Variants in SUPT3H observed in about 807,000 individuals in gnomAD.
SUPT3H encodes the protein transcription initiation protein SPT3 homolog.
SUPT3H carries 44 observed loss-of-function variants against 44.3 expected under a neutral mutation model. The observed-to-expected ratio is 0.99, with a 90% CI of 0.78 to 1.28. SUPT3H has a LOEUF of 1.28. Ranked by LOEUF, SUPT3H falls within the 50% of genes most tolerant of loss-of-function variation. The probability of loss-of-function intolerance (pLI) is 0.00; values close to 1 mark genes in which losing one functional copy is unlikely to be tolerated. For synonymous variants in SUPT3H, 124 were observed against 125.6 expected, an observed-to-expected ratio of 0.99 and a Z score of 0.09; for missense variants, 380 against 387.1, an observed-to-expected ratio of 0.98 and a Z score of 0.15.
At chr6:45,295,065 A>T (rs2149886292) in intron 2 of SUPT3H, among the ~76,000 whole-genome samples, 1 of 152,254 alleles carries the variant, frequency 6.6e-6, no homozygotes, top group South Asian at 2.1e-4. Flanking sequence ...AAAAGAATAA[A>T]CCTGGAGGCA....
chr6:45,217,431 C>G (rs927925901), intron 2 of SUPT3H, among the ~76,000 whole-genome samples: 1 of 150,554 alleles, frequency 6.6e-6, no homozygotes, highest in Admixed American at 6.6e-5. Context: ...GCCGACATCA[C>G]GCAACTGCAC....
intron 3 of SUPT3H, among the ~76,000 whole-genome samples, chr6:45,068,884 G>T (rs916838458): frequency 2.0e-5 from 3 of 150,684 alleles, no homozygotes; most frequent in Admixed American, 6.6e-5. Flanking sequence ...TAGAATGTTC[G>T]TTCCATTGAT....
At chr6:45,180,070 A>G (rs1255995071) in intron 2 of SUPT3H, among the ~76,000 whole-genome samples, 22 of 149,356 alleles carry the variant, frequency 1.5e-4, no homozygotes, top group Non-Finnish European at 3.3e-4. Flanking sequence ...TTATACACCA[A>G]TAACAGACAA....
At chr6:45,375,091 C>CAGCT (rs1179482179) in intron 1 of SUPT3H, among the ~76,000 whole-genome samples, 1 of 152,144 alleles carries the variant, frequency 6.6e-6, no homozygotes, top group African/African-American at 2.4e-5. Context: ...CCTGTAATCC[C>CAGCT]AGCTACTCGG....
chr6:44,916,597 A>AT (rs894640559), intron 10 of SUPT3H, among the ~76,000 whole-genome samples: 3 of 152,166 alleles, frequency 2.0e-5, no homozygotes, highest in African/African-American at 7.2e-5. Flanking sequence ...ACATTAGGGA[A>AT]TTTTTTGAAG....
At chr6:45,061,900 T>G (rs1490935175) in intron 3 of SUPT3H, among the ~76,000 whole-genome samples, 2 of 149,830 alleles carry the variant, frequency 1.3e-5, no homozygotes, top group East Asian at 2.0e-4. Flanking sequence ...GCTGTTTTTT[T>G]TTTTTTTTTT....
downstream of SUPT3H, among the ~76,000 whole-genome samples, chr6:44,823,580 CA>C: frequency 6.6e-6 from 1 of 152,274 alleles, no homozygotes. Flanking sequence ...GGAGCTGCCA[CA>C]GGTAGTTTTG....
At chr6:45,284,413 T>C (rs567363951) in intron 2 of SUPT3H, among the ~76,000 whole-genome samples, 227 of 152,084 alleles carry the variant, frequency 1.5e-3, no homozygotes, top group Middle Eastern at 3.4e-3. Context: ...AAAGGGGATA[T>C]CACCACTGAT....
intron 2 of SUPT3H, among the ~76,000 whole-genome samples, chr6:45,128,557 TACACACACACACAC>T (rs1173091186): frequency 5.3e-5 from 3 of 56,734 alleles, no homozygotes; most frequent in South Asian, 6.3e-4. Flanking sequence ...TATATATATA[TACACACACACACAC>T]ACACACACAC....
intron 6 of SUPT3H, among the ~76,000 whole-genome samples, chr6:44,964,831 T>G (rs562833152): frequency 1.3e-5 from 2 of 152,074 alleles, no homozygotes; most frequent in Non-Finnish European, 2.9e-5. Context: ...CAATACAAAA[T>G]CATGGCTTAG....
chr6:44,953,517 A>T, intron 8 of SUPT3H, 100 bp from the exon 9 acceptor site: 1 of 891,838 alleles, frequency 1.1e-6, no homozygotes, highest in South Asian at 1.5e-5. Flanking sequence ...GTTACTGATA[A>T]TCCTGCTTGC....
rs569873579 is a variant in SUPT3H, at chr6:45,273,650, T to C, written c.101+91551A>G. ...CCCTTGTATATCAGTAATTAATTCC[T>C]TTTTATTATCAAATAACAATATTTA... On this transcript the variant is annotated intron_variant, in intron 2 of 10. Transcript: ENST00000371459. 1.0e-3 allele frequency among the ~76,000 whole-genome samples: 155 copies of C among 152,210 alleles called. 1 individual carries two copies. The highest frequency in any genetic ancestry group is 1.9e-3 in the Non-Finnish European group (128 of 68,026).
At chr6:44,914,185 C>A (rs76985120) in intron 10 of SUPT3H, among the ~76,000 whole-genome samples, 1 of 152,090 alleles carries the variant, frequency 6.6e-6, no homozygotes, top group East Asian at 1.9e-4. Flanking sequence ...ATACATATTA[C>A]CTAGTCACCT....
At chr6:45,301,099 G>A (rs1782078920) in intron 2 of SUPT3H, among the ~76,000 whole-genome samples, 1 of 152,100 alleles carries the variant, frequency 6.6e-6, no homozygotes, top group Non-Finnish European at 1.5e-5. Context: ...GGGGTTTCTG[G>A]GCAGGCAGGT....
intron 2 of SUPT3H, among the ~76,000 whole-genome samples, chr6:45,127,805 C>T (rs771494730): frequency 5.9e-5 from 9 of 152,120 alleles, no homozygotes; most frequent in Non-Finnish European, 1.3e-4. Context: ...TGATTTTCAA[C>T]ATTTTTCTTT....
intron 2 of SUPT3H, among the ~76,000 whole-genome samples, chr6:45,158,298 A>ATATATATATATTTTTTTTTTTT: frequency 1.0e-5 from 1 of 99,694 alleles, no homozygotes; most frequent in African/African-American, 5.0e-5. Context: ...ATATATATAT[A>ATATATATATATTTTTTTTTTTT]TTTTTTTTTT....
intron 4 of SUPT3H, among the ~76,000 whole-genome samples, chr6:45,019,224 T>C (rs1181640316): frequency 6.6e-6 from 1 of 152,176 alleles, no homozygotes; most frequent in Non-Finnish European, 1.5e-5. Flanking sequence ...TATGTCTATT[T>C]GATTCTTGTC....
chr6:45,017,657 G>C (rs1210700713), intron 4 of SUPT3H, among the ~76,000 whole-genome samples: 4 of 149,992 alleles, frequency 2.7e-5, no homozygotes, highest in Non-Finnish European at 5.9e-5. Flanking sequence ...GATAGTTGTA[G>C]ATATGCAGCG....
chr6:45,328,075 T>C (rs980338884), intron 2 of SUPT3H: 1 of 301,244 alleles, frequency 3.3e-6, no homozygotes, highest in South Asian at 3.6e-5. Context: ...TTGTATTCTA[T>C]CCAAATCCTC....
Sources: gnomAD v4.1 joint callset for allele counts (sites outside exome capture counted in the v4.1 genomes callset) on GRCh38, gnomAD v4.1.1 for gene constraint, MANE v1.5 for transcripts, NCBI Gene and HGNC (gene_info 2026-07-23, HGNC 2026-07-21) for gene names.